The following HMCN1 variants were observed in gnomAD, a reference collection of about 807,000 sequenced individuals.
The protein encoded by HMCN1 is hemicentin-1.
In HMCN1, 321 loss-of-function variants were observed where a neutral mutation model predicts 625.9. The ratio of observed to expected loss-of-function variants is 0.51; its 90% CI spans 0.47 to 0.56. The LOEUF (loss-of-function observed/expected upper bound fraction) is 0.56, where lower values mean the gene tolerates loss of function less well. Among genes scored for constraint, HMCN1 ranks in the 20% least tolerant of loss-of-function variants. HMCN1 has a pLI of 0.00. For missense variants in HMCN1, 6,588 were observed against 6,887.3 expected (o/e 0.96, Z 1.54); for synonymous variants, 2,425 against 2,417.6 (o/e 1.00, Z -0.09).
chr1:186,153,511 T>C lies in HMCN1; in HGVS notation c.15019-239T>C, dbSNP rs16824979. ...AAGTTGCTTAATTTCTACAAACTTA[T>C]TTTTCTAGTCTGCAAACTATGGCAA... On this transcript the variant is annotated intron_variant, in intron 96 of 106. Transcript: ENST00000271588. Among the ~76,000 whole-genome samples the C allele has an allele frequency of 8.7e-3, 1,318 of 151,758 alleles. 14 individuals are homozygous for C. Among genetic ancestry groups the C allele is most frequent in the African/African-American group, 0.03 (1,261 of 41,350 alleles).
intron 1 of HMCN1, among the ~76,000 whole-genome samples, chr1:185,805,569 T>C (rs1231062458): frequency 6.6e-6 from 1 of 152,182 alleles, no homozygotes; most frequent in African/African-American, 2.4e-5. Context: ...AAAAAAGGAA[T>C]ACATGTATTC....
intron 1 of HMCN1, among the ~76,000 whole-genome samples, chr1:185,751,953 A>G (rs1654842898): frequency 2.0e-5 from 3 of 151,724 alleles, no homozygotes; most frequent in Admixed American, 2.0e-4. Flanking sequence ...TGGTCTGCTG[A>G]CTGTCTGTCA....
chr1:185,805,838 A>C (rs1042946604), intron 1 of HMCN1, among the ~76,000 whole-genome samples: 6 of 152,184 alleles, frequency 3.9e-5, no homozygotes, highest in African/African-American at 1.4e-4. Context: ...TAGAGTCAAT[A>C]CTTGAGCTGA....
In HMCN1 at chr1:185,957,219, C is replaced by G. The variant is rs542132775; in HGVS notation, c.1829-5299C>G. On this transcript the variant is annotated intron_variant, in intron 11 of 106. Transcript: ENST00000271588. ...TTAAAATCATATTTTAGAACAAAAT[C>G]TGGTAATTATCTCATGAAAAATTCA... is the stretch of plus-strand genomic sequence containing the variant. 4 of 152,260 alleles carry G rather than the reference C, an allele frequency of 2.6e-5. No homozygotes were observed. The East Asian group carries it at 7.7e-4, about 29-fold the overall frequency. The allele number at this position is 152,260 out of a possible 1,614,324, so 9.4% of individuals were successfully genotyped here. A position where few individuals can be genotyped will look rare whatever the true frequency, so the allele number is the denominator to read the frequency against.
rs1558246056 is a variant in HMCN1 at position 186,130,551 on chromosome 1, C to T, written c.13084C>T (p.Pro4362Ser). Residue 4362 changes from proline (P) to serine (S), a missense_variant, in exon 85 of 107, where the codon CCA (proline) becomes TCA (serine). Coordinates refer to ENST00000271588, the MANE Select transcript of HMCN1 (RefSeq NM_031935.3). ...TGATTATCCTTCTAACTGGATTGAA[C>T]CACTTGGTGGGAATGCAATCCTGAA... Reference protein sequence around the residue: ...KGDYPSNWIEPLGGNAILNCE... With the variant: ...KGDYPSNWIESLGGNAILNCE... The T allele has an allele frequency of 1.2e-6, 2 of 1,613,504 alleles. No homozygotes were observed. The highest frequency in any genetic ancestry group is 1.3e-5 in the African/African-American group (1 of 74,996).
intron 2 of HMCN1, among the ~76,000 whole-genome samples, chr1:185,851,066 ATACTT>A (rs1380862545): frequency 6.6e-6 from 1 of 152,154 alleles, no homozygotes; most frequent in East Asian, 1.9e-4. Context: ...TACTTATAGA[ATACTT>A]TATTATTTCA....
At chr1:186,095,633 AT>A in intron 68 of HMCN1, 112 bp downstream of exon 68, 1 of 1,150,644 alleles carries the variant, frequency 8.7e-7, no homozygotes, top group Non-Finnish European at 1.2e-6. Flanking sequence ...TTTTTAAAAA[AT>A]TTTTATTGCA....
At chr1:186,115,031 A>G in intron 74 of HMCN1, 85 bp downstream of exon 74, 1 of 1,585,126 alleles carries the variant, frequency 6.3e-7, no homozygotes. Flanking sequence ...AAAGATCTTG[A>G]CATTGAAGGC....
chr1:185,955,208 C>T (rs1013309680), intron 11 of HMCN1, among the ~76,000 whole-genome samples: 6 of 152,024 alleles, frequency 3.9e-5, no homozygotes, highest in Admixed American at 1.3e-4. Flanking sequence ...ACTGGGCAAC[C>T]GAGTGAATTT....
intron 1 of HMCN1, among the ~76,000 whole-genome samples, chr1:185,794,565 G>A (rs1658235538): frequency 6.7e-6 from 1 of 149,518 alleles, no homozygotes; most frequent in African/African-American, 2.5e-5. Context: ...GGAGAAAGAT[G>A]TAGGCTGGGA....
At chr1:185,805,405 T>C (rs1270275672) in intron 1 of HMCN1, among the ~76,000 whole-genome samples, 1 of 152,082 alleles carries the variant, frequency 6.6e-6, no homozygotes, top group African/African-American at 2.4e-5. Context: ...CCTCTGAAAA[T>C]AGTAAAAATT....
intron 11 of HMCN1, among the ~76,000 whole-genome samples, chr1:185,961,259 CT>C (rs1355162217): frequency 6.6e-6 from 1 of 152,170 alleles, no homozygotes; most frequent in African/African-American, 2.4e-5. Context: ...CTGTTGGTTT[CT>C]TAGTGAAACT....
At chr1:185,872,944 C>T (rs1663710495) in intron 4 of HMCN1, among the ~76,000 whole-genome samples, 1 of 152,082 alleles carries the variant, frequency 6.6e-6, no homozygotes, top group Admixed American at 6.6e-5. Flanking sequence ...GGACATCACT[C>T]ATTAAAACTT....
chr1:185,998,319 C>A (rs549285013), intron 25 of HMCN1, among the ~76,000 whole-genome samples: 2 of 152,234 alleles, frequency 1.3e-5, no homozygotes, highest in East Asian at 3.9e-4. Flanking sequence ...TCCTGGGCAG[C>A]GGCAACTGAA....
intron 23 of HMCN1, among the ~76,000 whole-genome samples, chr1:185,994,119 A>C (rs971261575): frequency 3.9e-5 from 6 of 152,164 alleles, no homozygotes; most frequent in Non-Finnish European, 8.8e-5. Flanking sequence ...ATTAAGTTAA[A>C]GAAAAAAACA....
At chr1:186,081,134 G>A in intron 55 of HMCN1, 73 bp from the exon 56 acceptor site, 2 of 1,277,732 alleles carry the variant, frequency 1.6e-6, no homozygotes, top group Non-Finnish European at 2.3e-6. Flanking sequence ...AGTTTTTAAA[G>A]CTGTCAGAAA....
rs1454873360 is a variant in HMCN1, at chr1:186,001,668, T to C, written c.4275T>C (p.Asp1425=). Residue 1425 remains aspartate (D), a synonymous_variant, in exon 28 of 107, where the codon GAT becomes GAC. Transcript: ENST00000271588. The part of the protein sequence containing the change: ...ILKLFRATPE[D]AGRYSCKAIN... Reference sequence around the variant, plus strand: ...AGCTCTTCAGAGCCACTCCAGAGGATGCAGGAAGATATTCCTGCAAAGCAA... The same window carrying C: ...AGCTCTTCAGAGCCACTCCAGAGGACGCAGGAAGATATTCCTGCAAAGCAA... 1 of 1,612,828 alleles carries C rather than the reference T, an allele frequency of 6.2e-7. No homozygotes were observed. The highest frequency in any genetic ancestry group is 1.7e-5 in the Admixed American group (1 of 59,926).
At chr1:185,806,252 C>G (rs1042655317) in intron 1 of HMCN1, among the ~76,000 whole-genome samples, 3 of 151,986 alleles carry the variant, frequency 2.0e-5, no homozygotes, top group East Asian at 1.9e-4. Context: ...TAATAAGAGA[C>G]AGAAATGGGA....
chr1:185,813,326 ATTTG>A (rs939857208), intron 1 of HMCN1, among the ~76,000 whole-genome samples: 14 of 152,132 alleles, frequency 9.2e-5, no homozygotes, highest in African/African-American at 3.1e-4. Flanking sequence ...CATTCCTTAA[ATTTG>A]TTTGGTCATC....
Sources: allele counts gnomAD v4.1 joint callset (sites outside exome capture counted in the v4.1 genomes callset), GRCh38; gene constraint gnomAD v4.1.1; transcripts MANE v1.5; gene names NCBI Gene and HGNC (gene_info 2026-07-23, HGNC 2026-07-21).